FOSL2: variants seen among roughly 807,000 people sequenced by gnomAD.
The protein encoded by FOSL2 is FOS like 2, AP-1 transcription factor subunit, also known as fos-related antigen 2.
FOSL2 carries 3 observed loss-of-function variants against 27.7 expected under a neutral mutation model. The ratio of observed to expected loss-of-function variants is 0.11; its 90% confidence interval spans 0.05 to 0.28. The LOEUF (loss-of-function observed/expected upper bound fraction) is 0.28. Ranked by LOEUF, FOSL2 falls within the 10% of genes least tolerant of loss-of-function variation. The pLI, the probability that FOSL2 is intolerant of heterozygous loss-of-function variation, is 1.00. For synonymous variants in FOSL2, 179 were observed against 190.1 expected (o/e 0.94, Z 0.48); for missense variants, 333 against 445.1 (o/e 0.75, Z 2.27).
At position 28,404,409 on chromosome 2, in the gene FOSL2, C is replaced by T. The variant is rs1366930187; in HGVS notation, c.354+51C>T. Reference sequence around the variant, plus strand: ...GCCACGTCAGTGGCTTTCAGAGCCCCAGAAACACAGAACGGGTTTCTGCAG... The same window carrying T: ...GCCACGTCAGTGGCTTTCAGAGCCCTAGAAACACAGAACGGGTTTCTGCAG... On this transcript the variant is annotated intron_variant, in intron 2 of 3. Coordinates refer to ENST00000264716, the MANE Select transcript of FOSL2 (RefSeq NM_005253.4). This position sits in a 1 kb window ranked among gnomAD's most constrained non-coding sequence, Gnocchi z 4.7. 1 of 1,572,036 alleles carries T rather than the reference C, an allele frequency of 6.4e-7. No homozygotes were observed. Among genetic ancestry groups the T allele is most frequent in the Non-Finnish European group, 8.6e-7 (1 of 1,158,608 alleles).
chr2:28,410,500 G>A lies in FOSL2; in HGVS notation c.463-1430G>A, dbSNP rs779675884. The A allele has an allele frequency of 4.6e-4, 457 of 984,026 alleles. 1 individual carries two copies. Among genetic ancestry groups the A allele is most frequent in the Non-Finnish European group, 5.4e-4 (445 of 829,740 alleles). The allele number at this position is 984,026 out of a possible 1,614,324, so 61.0% of individuals were successfully genotyped here. A position where few individuals can be genotyped will look rare whatever the true frequency, so the allele number is the denominator to read the frequency against. Reference sequence around the variant, plus strand: ...AGCCTCTCAGAAGCTCATGACGTTCGTCAGACCCTTGAGACAGACGGAAAC... The same window carrying A: ...AGCCTCTCAGAAGCTCATGACGTTCATCAGACCCTTGAGACAGACGGAAAC... On this transcript the variant is annotated intron_variant, in intron 3 of 3. Transcript: ENST00000264716.
chr2:28,402,408 T>C (rs1663991695), intron 1 of FOSL2, among the ~76,000 whole-genome samples: 1 of 152,240 alleles, frequency 6.6e-6, no homozygotes, highest in African/African-American at 2.4e-5. Flanking sequence ...TAGCAGGGAA[T>C]TGAGCAAGAA....
chr2:28,396,319 A>C (rs576196971), intron 1 of FOSL2, among the ~76,000 whole-genome samples: 2 of 152,224 alleles, frequency 1.3e-5, no homozygotes, highest in African/African-American at 4.8e-5. Flanking sequence ...TCTTTGTTAC[A>C]GCCTCTGTTC....
chr2:28,394,253 C>T (rs376414249), intron 1 of FOSL2, among the ~76,000 whole-genome samples: 23 of 151,712 alleles, frequency 1.5e-4, no homozygotes, highest in African/African-American at 4.4e-4. Context: ...TCAGGAAAGC[C>T]CTCTCTCTCT....
rs764133183 is a variant in FOSL2 at position 28,412,515 on chromosome 2, C to T, written c.*67C>T. ...CGCTCCTCCTTCCCAGGGACCAGCA[C>T]CTTCAAGCGCTCCAGGGCCGTGAGG... On this transcript the variant is annotated 3_prime_UTR_variant, in exon 4 of 4. Transcript: ENST00000264716. This position sits in a 1 kb window ranked among gnomAD's most constrained non-coding sequence, Gnocchi z 7.1. 1 of 1,544,202 alleles carries T rather than the reference C, an allele frequency of 6.5e-7. No homozygotes were observed. Among genetic ancestry groups the T allele is most frequent in the Non-Finnish European group, 8.7e-7 (1 of 1,145,256 alleles).
intron 1 of FOSL2, chr2:28,396,807 C>CACACACACACAT (rs1476663924): frequency 1.3e-5 from 2 of 149,610 alleles, no homozygotes; most frequent in African/African-American, 5.0e-5. Context: ...CACACACACA[C>CACACACACACAT]ACACACACAC....
At chr2:28,397,473 C>T (rs565186514) in intron 1 of FOSL2, among the ~76,000 whole-genome samples, 11 of 152,168 alleles carry the variant, frequency 7.2e-5, no homozygotes, top group African/African-American at 2.2e-4. Flanking sequence ...TTGTCTGTTC[C>T]GCTGATTCTT....
In FOSL2 at chr2:28,412,170, T is replaced by C. The variant is rs1664217318; in HGVS notation, c.703T>C (p.Ser235Pro). The C allele has an allele frequency of 1.2e-6, 2 of 1,607,448 alleles. No individual in the cohort carries two copies. The highest frequency in any genetic ancestry group is 1.7e-6 in the Non-Finnish European group (2 of 1,176,174). Reference protein sequence around the residue: ...PLEEDSPSSSSAGLDKAQRSV... With the variant: ...PLEEDSPSSSPAGLDKAQRSV... ...GGAAGAGGACAGCCCCTCGTCCTCGTCGGCGGGGCTGGACAAGGCCCAGCG... is the reference window on the plus strand; with the variant it reads ...GGAAGAGGACAGCCCCTCGTCCTCGCCGGCGGGGCTGGACAAGGCCCAGCG... The change falls in exon 4 of 4, where the codon TCG becomes CCG. Residue 235 changes from serine (S) to proline (P), a missense_variant. Ser to Pro is a moderately conservative substitution (Grantham distance 74). Coordinates refer to ENST00000264716, the MANE Select transcript of FOSL2 (RefSeq NM_005253.4). The surrounding 1 kb of genome is among the most constrained non-coding windows in gnomAD (Gnocchi z 7.1).
rs949549712 is a variant in FOSL2, at chr2:28,414,145, G to T, written c.*1697G>T. On this transcript the variant is annotated 3_prime_UTR_variant, in exon 4 of 4. Transcript: ENST00000264716. ...CTGCTGCTGGGGATTCAGCTCTAGA[G>T]GTCACAGTATCCTCGTTTGAAAGAT... 3.4e-6 allele frequency: 1 copy of T among 295,562 alleles called. No individual in the cohort carries two copies. Among genetic ancestry groups the T allele is most frequent in the Admixed American group, 5.1e-5 (1 of 19,450 alleles). 18.3% of individuals were successfully genotyped at this position (295,562 alleles called of 1,614,324 possible).
rs1044757308 is a variant in FOSL2, at chr2:28,393,650, C to A, written c.-71C>A. ...CGGCGGACGAACGAGCGCGCAGCAG[C>A]CGGTGCGCGGCCGCGGCGAGGGCGG... is the stretch of plus-strand genomic sequence containing the variant. On this transcript the variant is annotated 5_prime_UTR_variant, in exon 1 of 4. Transcript: ENST00000264716. This position sits in a 1 kb window ranked among gnomAD's most constrained non-coding sequence, Gnocchi z 4.6. The A allele has an allele frequency of 3.4e-6, 4 of 1,188,248 alleles. No individual in the cohort carries two copies. The highest frequency in any genetic ancestry group is 1.6e-5 in the African/African-American group (1 of 63,008). 73.6% of individuals were successfully genotyped at this position (1,188,248 alleles called of 1,614,324 possible).
intron 2 of FOSL2, among the ~76,000 whole-genome samples, chr2:28,407,511 A>G (rs988493665): frequency 6.6e-6 from 1 of 152,238 alleles, no homozygotes; most frequent in Non-Finnish European, 1.5e-5. Flanking sequence ...GGACCCAACC[A>G]GGACAGTGGC....
chr2:28,400,827 G>A (rs1285485038), intron 1 of FOSL2, among the ~76,000 whole-genome samples: 1 of 152,162 alleles, frequency 6.6e-6, no homozygotes, highest in Non-Finnish European at 1.5e-5. Flanking sequence ...GGGCTAATAG[G>A]CATCCACTTA....
chr2:28,403,319 TAAG>T (rs1664011452), intron 1 of FOSL2, among the ~76,000 whole-genome samples: 1 of 152,164 alleles, frequency 6.6e-6, no homozygotes, highest in African/African-American at 2.4e-5. Context: ...GGGCATAAAT[TAAG>T]AAGCGGGGAG....
At chr2:28,402,616 CG>C (rs1375007030) in intron 1 of FOSL2, among the ~76,000 whole-genome samples, 2 of 152,150 alleles carry the variant, frequency 1.3e-5, no homozygotes, top group Non-Finnish European at 2.9e-5. Context: ...GGGTTCCATT[CG>C]GGGCCAGACA....
chr2:28,393,650 C>T lies in FOSL2; in HGVS notation c.-71C>T. 8.4e-7 allele frequency: 1 copy of T among 1,188,362 alleles called. No individual in the cohort carries two copies. The allele number at this position is 1,188,362 out of a possible 1,614,324, so 73.6% of individuals were successfully genotyped here. On this transcript the variant is annotated 5_prime_UTR_variant, in exon 1 of 4. Coordinates refer to ENST00000264716, the MANE Select transcript of FOSL2 (RefSeq NM_005253.4). This position sits in a 1 kb window ranked among gnomAD's most constrained non-coding sequence, Gnocchi z 4.6. ...CGGCGGACGAACGAGCGCGCAGCAG[C>T]CGGTGCGCGGCCGCGGCGAGGGCGG...
In FOSL2 at chr2:28,412,248, C is replaced by G; in HGVS notation, c.781C>G (p.Leu261Val). Residue 261 changes from leucine to valine, a missense_variant, in exon 4 of 4, where the codon CTG becomes GTG. By Grantham distance (32) the Leu-to-Val change is conservative (BLOSUM62 1). This residue lies in a region of FOSL2 where 136 missense variants were observed against 123.7 expected (regional missense o/e 1.10). Coordinates refer to ENST00000264716, the MANE Select transcript of FOSL2 (RefSeq NM_005253.4). The surrounding 1 kb of genome is among the most constrained non-coding windows in gnomAD (Gnocchi z 7.1). ...TGGGGGCTTCTACGGTGAGGAGCCC[C>G]TGCACACCCCCATCGTGGTGACCTC... is the stretch of plus-strand genomic sequence containing the variant. ...IAGGFYGEEP[L>V]HTPIVVTSTP... is the part of the protein sequence containing the mutation. The G allele has an allele frequency of 6.2e-7, 1 of 1,614,012 alleles. No homozygotes were observed. Among genetic ancestry groups the G allele is most frequent in the Non-Finnish European group, 8.5e-7 (1 of 1,179,986 alleles).
At position 28,413,516 on chromosome 2, in the gene FOSL2, C is replaced by A; in HGVS notation, c.*1068C>A. ...CGTGGGCCTGGACCTTCCCCAGATG[C>A]TGCCAGGCAGCCCCTCCCCAAGCCT... On this transcript the variant is annotated 3_prime_UTR_variant, in exon 4 of 4. Transcript: ENST00000264716. The A allele has an allele frequency of 2.5e-6, 1 of 398,714 alleles. No individual in the cohort carries two copies. The highest frequency in any genetic ancestry group is 4.4e-6 in the Non-Finnish European group (1 of 226,130). The allele number at this position is 398,714 out of a possible 1,614,324, so 24.7% of individuals were successfully genotyped here. A position where few individuals can be genotyped will look rare whatever the true frequency, so the allele number is the denominator to read the frequency against.
At chr2:28,410,636 A>T in intron 3 of FOSL2, 1 of 606,934 alleles carries the variant, frequency 1.6e-6, no homozygotes, top group Non-Finnish European at 2.1e-6. Flanking sequence ...GAGGCTGGTG[A>T]CACACACCTC....
At chr2:28,396,917 CTG>C (rs1663856667) in intron 1 of FOSL2, 1 of 151,720 alleles carries the variant, frequency 6.6e-6, no homozygotes, top group South Asian at 2.1e-4. Flanking sequence ...CCAGAAATGA[CTG>C]TGATTCCCAA....
Sources: allele counts gnomAD v4.1 joint callset (sites outside exome capture counted in the v4.1 genomes callset), GRCh38; gene constraint gnomAD v4.1.1; regional missense constraint gnomAD v4.1.1; non-coding constraint Gnocchi (gnomAD v3.1); transcripts MANE v1.5; gene names NCBI Gene and HGNC (gene_info 2026-07-23, HGNC 2026-07-21).